The following SLC4A4 variants were observed in gnomAD, a reference collection of about 807,000 sequenced individuals.
SLC4A4 encodes solute carrier family 4 member 4.
In SLC4A4, 27 loss-of-function variants were observed where a neutral mutation model predicts 111.5. The ratio of observed to expected loss-of-function variants is 0.24; its 90% confidence interval spans 0.18 to 0.33. The LOEUF is 0.33. Ranked by LOEUF, SLC4A4 falls within the 10% of genes least tolerant of loss-of-function variation. SLC4A4 has a pLI of 1.00. For missense variants in SLC4A4, 909 were observed against 1,315.5 expected, an observed-to-expected ratio of 0.69 and a Z score of 4.78; for synonymous variants, 443 against 463.4, an observed-to-expected ratio of 0.96 and a Z score of 0.57.
rs377728761 is a variant in SLC4A4 at position 71,485,089 on chromosome 4, G to A, written c.1904-1859G>A. Among the ~76,000 whole-genome samples the A allele has an allele frequency of 5.1e-4, 78 of 151,938 alleles. 1 individual carries two copies. The South Asian group carries it at 0.014, about 27-fold the overall frequency. The stretch of plus-strand genomic sequence containing the variant: ...CAGGATCATGTTGTCTGCAAACAGG[G>A]ATAGTTTGACTTCCTCTCTTCCTAT... On this transcript the variant is annotated intron_variant, in intron 14 of 25. Coordinates refer to ENST00000264485, the MANE Select transcript of SLC4A4 (RefSeq NM_001098484.3).
At chr4:71,179,417 C>A (rs1377076851) in intron 2 of SLC4A4, among the ~76,000 whole-genome samples, 4 of 152,210 alleles carry the variant, frequency 2.6e-5, no homozygotes, top group Non-Finnish European at 4.4e-5. Flanking sequence ...GTCAAATTGT[C>A]CCTGTTTGCA....
At chr4:71,112,991 C>A (rs1029895649) in intron 2 of SLC4A4, among the ~76,000 whole-genome samples, 1 of 152,142 alleles carries the variant, frequency 6.6e-6, no homozygotes, top group Non-Finnish European at 1.5e-5. Flanking sequence ...GACCTTTACC[C>A]TGCAGTTTGA....
chr4:71,423,266 G>A (rs1241283957), intron 7 of SLC4A4, among the ~76,000 whole-genome samples: 1 of 152,078 alleles, frequency 6.6e-6, no homozygotes, highest in Non-Finnish European at 1.5e-5. Context: ...AAATACCTAG[G>A]AATCCACCTT....
intron 2 of SLC4A4, among the ~76,000 whole-genome samples, chr4:71,140,817 A>G (rs1332993938): frequency 2.0e-5 from 3 of 152,212 alleles, no homozygotes; most frequent in Non-Finnish European, 2.9e-5. Context: ...ACCACCTATC[A>G]TCTCTCACTA....
At chr4:71,408,150 C>G (rs1721043057) in intron 7 of SLC4A4, among the ~76,000 whole-genome samples, 1 of 152,122 alleles carries the variant, frequency 6.6e-6, no homozygotes, top group Non-Finnish European at 1.5e-5. Flanking sequence ...CACTGACCTT[C>G]ACCAATGACA....
chr4:71,307,538 G>A (rs1478230914), intron 3 of SLC4A4, among the ~76,000 whole-genome samples: 2 of 152,208 alleles, frequency 1.3e-5, no homozygotes, highest in Non-Finnish European at 2.9e-5. Context: ...GGAAATGGAA[G>A]TCTGTGATTT....
At position 71,091,895 on chromosome 4, in the gene SLC4A4, C is replaced by T. The variant is rs183790800; in HGVS notation, c.-64-835C>T. ...AAACTGCGTTTGTTCTTTTTTACTG[C>T]ATTTTTTCCTGCATATTAAATCTTT... On this transcript the variant is annotated intron_variant, in intron 1 of 26. Transcript: ENST00000649996. Among the ~76,000 whole-genome samples, 65 of 152,294 alleles carry T rather than the reference C, an allele frequency of 4.3e-4. 1 individual carries two copies. In the South Asian group the frequency reaches 5.8e-3, roughly 14 times the overall value.
At chr4:71,096,329 G>C (rs937286497) in intron 2 of SLC4A4, among the ~76,000 whole-genome samples, 17 of 152,168 alleles carry the variant, frequency 1.1e-4, no homozygotes, top group African/African-American at 3.4e-4. Context: ...GGTATGTATA[G>C]AGAAAGGAGA....
chr4:71,536,876 A>G (rs1734549807), intron 18 of SLC4A4, among the ~76,000 whole-genome samples: 1 of 151,576 alleles, frequency 6.6e-6, no homozygotes, highest in Admixed American at 6.6e-5. Flanking sequence ...TAGTTTTGAT[A>G]TTGCATATCT....
At chr4:71,117,947 C>T (rs1743317347) in intron 2 of SLC4A4, among the ~76,000 whole-genome samples, 1 of 150,162 alleles carries the variant, frequency 6.7e-6, no homozygotes, top group Non-Finnish European at 1.5e-5. Flanking sequence ...TGCTATCTTG[C>T]CTCACTGTAA....
intron 16 of SLC4A4, among the ~76,000 whole-genome samples, chr4:71,511,716 G>A (rs1364918424): frequency 2.0e-5 from 3 of 151,888 alleles, no homozygotes; most frequent in African/African-American, 7.3e-5. Context: ...CATTGAATTT[G>A]ATCCTTCTGT....
At chr4:71,243,984 C>T (rs1720441319) in intron 2 of SLC4A4, among the ~76,000 whole-genome samples, 1 of 152,118 alleles carries the variant, frequency 6.6e-6, no homozygotes, top group African/African-American at 2.4e-5. Context: ...ATTTTAGTAA[C>T]ATTGGCCAGT....
At chr4:71,080,212 A>G (rs998608418) in intron 1 of SLC4A4, among the ~76,000 whole-genome samples, 8 of 152,000 alleles carry the variant, frequency 5.3e-5, no homozygotes, top group African/African-American at 1.5e-4. Context: ...CTGCGACGCT[A>G]TGTGTTTATA....
intron 3 of SLC4A4, among the ~76,000 whole-genome samples, chr4:71,263,986 G>A (rs1255153126): frequency 6.6e-6 from 1 of 152,138 alleles, no homozygotes; most frequent in Non-Finnish European, 1.5e-5. Flanking sequence ...TGTGTTGAGT[G>A]AGGATAGAGC....
chr4:71,252,203 G>A (rs1232794400), intron 2 of SLC4A4, among the ~76,000 whole-genome samples: 2 of 152,098 alleles, frequency 1.3e-5, no homozygotes, highest in Admixed American at 1.3e-4. Flanking sequence ...ATATTCTGTG[G>A]GGGCAGTGAG....
intron 16 of SLC4A4, among the ~76,000 whole-genome samples, chr4:71,523,938 G>A (rs1267114008): frequency 6.6e-6 from 1 of 152,004 alleles, no homozygotes; most frequent in Non-Finnish European, 1.5e-5. Context: ...TAACATCACT[G>A]CTGACATGTG....
At chr4:71,312,347 A>G (rs955615535) in intron 3 of SLC4A4, among the ~76,000 whole-genome samples, 2 of 152,188 alleles carry the variant, frequency 1.3e-5, no homozygotes, top group Non-Finnish European at 1.5e-5. Context: ...AGAGGTACAA[A>G]GAGGAGCTGG....
chr4:71,334,610 C>T (rs1282744876), intron 3 of SLC4A4, among the ~76,000 whole-genome samples: 1 of 152,154 alleles, frequency 6.6e-6, no homozygotes, highest in African/African-American at 2.4e-5. Context: ...TAGTTTATGA[C>T]ACACGATTTT....
chr4:71,322,572 G>A (rs1227223279), intron 3 of SLC4A4, among the ~76,000 whole-genome samples: 3 of 151,908 alleles, frequency 2.0e-5, no homozygotes, highest in Admixed American at 6.6e-5. Flanking sequence ...TAGAAACCTC[G>A]GGGTATAAAT....
Sources: gnomAD v4.1 joint callset for allele counts (sites outside exome capture counted in the v4.1 genomes callset) on GRCh38, gnomAD v4.1.1 for gene constraint, MANE v1.5 for transcripts, NCBI Gene and HGNC (gene_info 2026-07-23, HGNC 2026-07-21) for gene names.